Variants in MAN2A1 observed in about 807,000 individuals in gnomAD.
MAN2A1 encodes alpha-mannosidase 2.
A neutral mutation model predicts 142.6 loss-of-function variants in MAN2A1; 76 were observed. That is an observed-to-expected ratio of 0.53 (90% confidence interval 0.44 to 0.65). The LOEUF (loss-of-function observed/expected upper bound fraction) is 0.65. MAN2A1 is among the 30% of genes least tolerant of loss of function. The pLI is 0.00. For synonymous variants in MAN2A1, 559 were observed against 473.2 expected, an observed-to-expected ratio of 1.18 and a Z score of -2.35; for missense variants, 1,311 against 1,365.1, an observed-to-expected ratio of 0.96 and a Z score of 0.62.
intron 10 of MAN2A1, among the ~76,000 whole-genome samples, chr5:109,788,173 A>G (rs1192186585): frequency 6.6e-6 from 1 of 150,938 alleles, no homozygotes; most frequent in African/African-American, 2.4e-5. Context: ...GAATTTGCCT[A>G]TGGATGCCTG....
Position 109,842,443 on chromosome 5 carries a change from T to G in MAN2A1, c.2682T>G (p.Thr894=). The change falls in exon 17 of 22, where the codon ACT becomes ACG. Residue 894 remains threonine, a synonymous_variant. Transcript: ENST00000261483. ...TAAAAAGCCAAAATAGATTTTATAC[T>G]GACCTAAATGGGTACCAGGTAATTT... is the stretch of plus-strand genomic sequence containing the variant. ...SDIKSQNRFY[T]DLNGYQIQPR... is the part of the protein sequence containing the mutation. The G allele has an allele frequency of 4.5e-6, 7 of 1,562,302 alleles. No individual in the cohort carries two copies. Among genetic ancestry groups the G allele is most frequent in the Non-Finnish European group, 6.1e-6 (7 of 1,143,268 alleles).
intron 2 of MAN2A1, 149 bp downstream of exon 2, chr5:109,713,923 G>T: frequency 1.5e-6 from 1 of 659,378 alleles, no homozygotes; most frequent in Non-Finnish European, 2.5e-6. Flanking sequence ...TTAGTCACAT[G>T]AACATTAATG....
At position 109,842,460 on chromosome 5, in the gene MAN2A1, A is replaced by T; in HGVS notation, c.2699A>T (p.Gln900Leu). 1 of 1,541,952 alleles carries T rather than the reference A, an allele frequency of 6.5e-7. No individual in the cohort carries two copies. Among genetic ancestry groups the T allele is most frequent in the Non-Finnish European group, 8.8e-7 (1 of 1,132,782 alleles). Residue 900 changes from glutamine (Q) to leucine (L), a missense_variant and splice_region_variant, in exon 17 of 22, where the codon CAG becomes CTG. This residue lies in a region of MAN2A1 where 890 missense variants were observed against 920.5 expected (regional missense o/e 0.97). Transcript: ENST00000261483. ...TTTTATACTGACCTAAATGGGTACC[A>T]GGTAATTTTTCCTTTAAAATGTTTA... ...NRFYTDLNGYQIQPRMTLSKL... is the reference protein window; with the variant it reads ...NRFYTDLNGYLIQPRMTLSKL...
At chr5:109,804,296 A>G in intron 12 of MAN2A1, 4 of 987,074 alleles carry the variant, frequency 4.1e-6, no homozygotes, top group Non-Finnish European at 4.8e-6. Context: ...AACATTTTAA[A>G]TAGAGCCTTT....
intron 20 of MAN2A1, chr5:109,863,990 T>G (rs1755818702): frequency 6.6e-6 from 1 of 152,192 alleles, no homozygotes; most frequent in Non-Finnish European, 1.5e-5. Flanking sequence ...AGCTTTAAAC[T>G]GTTCAGGCAC....
chr5:109,738,905 A>G (rs879884230), intron 4 of MAN2A1, among the ~76,000 whole-genome samples: 3 of 151,788 alleles, frequency 2.0e-5, no homozygotes, highest in Non-Finnish European at 4.4e-5. Flanking sequence ...GTGCAGTGGT[A>G]TGATCACAGC....
chr5:109,698,546 G>T (rs1750880183), intron 1 of MAN2A1, among the ~76,000 whole-genome samples: 1 of 152,010 alleles, frequency 6.6e-6, no homozygotes, highest in African/African-American at 2.4e-5. Context: ...TTAAGTATTT[G>T]TTTTTTTGCA....
chr5:109,753,534 G>T (rs1182030018), intron 4 of MAN2A1, among the ~76,000 whole-genome samples: 2 of 152,118 alleles, frequency 1.3e-5, no homozygotes, highest in African/African-American at 4.8e-5. Context: ...GATCCCCATG[G>T]CAACATAAAT....
intron 16 of MAN2A1, among the ~76,000 whole-genome samples, chr5:109,837,362 A>C (rs1047792159): frequency 6.6e-6 from 1 of 151,982 alleles, no homozygotes; most frequent in African/African-American, 2.4e-5. Flanking sequence ...ATCAGATTTC[A>C]GTTCAGTGCC....
chr5:109,786,851 T>G (rs947062372), intron 10 of MAN2A1, among the ~76,000 whole-genome samples: 18 of 152,032 alleles, frequency 1.2e-4, no homozygotes, highest in African/African-American at 4.1e-4. Context: ...GAATAAATCC[T>G]GTCCTGCTTA....
In MAN2A1 at chr5:109,823,773, T is replaced by G. The variant is rs369564192; in HGVS notation, c.2502T>G (p.Ile834Met). 3.1e-6 allele frequency: 5 copies of G among 1,609,612 alleles called. No homozygotes were observed. The highest frequency in any genetic ancestry group is 2.5e-6 in the Non-Finnish European group (3 of 1,178,230). Residue 834 changes from isoleucine to methionine, a missense_variant, in exon 16 of 22, where the codon ATT (isoleucine) becomes ATG (methionine). Ile to Met is a conservative substitution (Grantham distance 10). Transcript: ENST00000261483. ...PPFVRVTHGR[I>M]YSEVTCFFDH... ...TTGTCAGAGTGACACATGGAAGGAT[T>G]TATTCGGAAGTGACTTGCTTTTTTG...
intron 19 of MAN2A1, among the ~76,000 whole-genome samples, chr5:109,852,919 G>A (rs1755519698): frequency 1.3e-5 from 2 of 152,090 alleles, no homozygotes; most frequent in Non-Finnish European, 2.9e-5. Context: ...TACATGAATG[G>A]CAGAACTCTG....
intron 17 of MAN2A1, among the ~76,000 whole-genome samples, chr5:109,844,956 A>T (rs1227377319): frequency 1.3e-5 from 2 of 152,148 alleles, no homozygotes; most frequent in Non-Finnish European, 2.9e-5. Flanking sequence ...GCATTATTCA[A>T]CCTAGTACAA....
At chr5:109,700,262 A>G (rs1750938389) in intron 1 of MAN2A1, among the ~76,000 whole-genome samples, 1 of 148,194 alleles carries the variant, frequency 6.7e-6, no homozygotes, top group Non-Finnish European at 1.5e-5. Flanking sequence ...CTCAGGATTG[A>G]AAGTATGAAG....
chr5:109,716,037 G>T (rs1751442848), intron 2 of MAN2A1, 83 bp from the exon 3 acceptor site: 1 of 865,768 alleles, frequency 1.2e-6, no homozygotes, highest in Admixed American at 2.2e-5. Context: ...GCAGAGTATA[G>T]CAGTGAATAA....
chr5:109,709,336 G>T (rs986076707), intron 1 of MAN2A1, among the ~76,000 whole-genome samples: 23 of 152,204 alleles, frequency 1.5e-4, no homozygotes, highest in African/African-American at 5.5e-4. Context: ...TTTTAGAAGT[G>T]GAACTTGATT....
chr5:109,702,315 T>TTTTGTGTGTGTGTGTG (rs1273188590), intron 1 of MAN2A1, among the ~76,000 whole-genome samples: 1 of 144,034 alleles, frequency 6.9e-6, no homozygotes, highest in African/African-American at 2.6e-5. Context: ...AGAACATAAA[T>TTTTGTGTGTGTGTGTG]TGTGTGTGTG....
chr5:109,840,710 C>A (rs890547457), intron 16 of MAN2A1: 1 of 412,966 alleles, frequency 2.4e-6, no homozygotes, highest in Non-Finnish European at 4.6e-6. Context: ...AAGGACCGAT[C>A]CAGTATGGCC....
intron 16 of MAN2A1, among the ~76,000 whole-genome samples, chr5:109,834,864 T>C (rs1755019407): frequency 6.6e-6 from 1 of 152,150 alleles, no homozygotes; most frequent in African/African-American, 2.4e-5. Flanking sequence ...AGACGATAAA[T>C]TAGATCTTAT....
Sources: gnomAD v4.1 joint callset for allele counts (sites outside exome capture counted in the v4.1 genomes callset) on GRCh38, gnomAD v4.1.1 for gene constraint, gnomAD v4.1.1 regional missense constraint, MANE v1.5 for transcripts, NCBI Gene and HGNC (gene_info 2026-07-23, HGNC 2026-07-21) for gene names.